The following AP2A2 variants were observed in gnomAD, a reference collection of about 807,000 sequenced individuals.
AP2A2 encodes the protein adaptor related protein complex 2 subunit alpha 2.
In AP2A2, 32 loss-of-function variants were observed where a neutral mutation model predicts 104.2. That is an observed-to-expected ratio of 0.31 (90% CI 0.23 to 0.41). The LOEUF (loss-of-function observed/expected upper bound fraction) is 0.41. AP2A2 is among the 10% of genes least tolerant of loss of function. The pLI is 1.00. For synonymous variants in AP2A2, 539 were observed against 533.3 expected (o/e 1.01, Z -0.15); for missense variants, 912 against 1,261.0 (o/e 0.72, Z 4.19).
intron 1 of AP2A2, chr11:932,543 A>G: frequency 9.0e-6 from 3 of 331,544 alleles, no homozygotes; most frequent in South Asian, 7.1e-5. Context: ...TTGACTGTAC[A>G]TTCCTAAAAA....
intron 1 of AP2A2, among the ~76,000 whole-genome samples, chr11:951,294 A>G (rs2134525450): frequency 6.6e-6 from 1 of 152,276 alleles, no homozygotes; most frequent in Non-Finnish European, 1.5e-5. Flanking sequence ...TGGGAGGCCG[A>G]GGTGGGTGGA....
In AP2A2 at chr11:926,052, C is replaced by T. The variant is rs1477886483; in HGVS notation, c.31C>T (p.Arg11Trp). 7 of 1,375,108 alleles carry T rather than the reference C, an allele frequency of 5.1e-6. No individual in the cohort carries two copies. Among genetic ancestry groups the T allele is most frequent in the South Asian group, 1.8e-5 (1 of 56,964 alleles). 85.2% of individuals were successfully genotyped at this position (1,375,108 alleles called of 1,614,324 possible). ...GGCCGTGTCCAAGGGGGACGGGATG[C>T]GGGGCCTGGCGGTCTTCATCTCGGA... MPAVSKGDGMRGLAVFISDIR... is the reference protein window; with the variant it reads MPAVSKGDGMWGLAVFISDIR... The change falls in exon 1 of 22, where the codon CGG becomes TGG. Residue 11 changes from arginine to tryptophan, a missense_variant. Physicochemically the swap from Arg to Trp is moderately radical, Grantham distance 101 (BLOSUM62 -3). Coordinates refer to ENST00000448903, the MANE Select transcript of AP2A2 (RefSeq NM_012305.4).
intron 4 of AP2A2, among the ~76,000 whole-genome samples, chr11:974,237 G>A (rs1854936865): frequency 4.0e-5 from 6 of 151,220 alleles, no homozygotes; most frequent in Admixed American, 3.9e-4. Flanking sequence ...GGGAGTGGGT[G>A]GCCCGTGTTC....
At position 993,956 on chromosome 11, in the gene AP2A2, C is replaced by G. The variant is rs1855753595; in HGVS notation, c.1753C>G (p.Leu585Val). ...LQQRAVEYLR[L>V]STVASTDILA... ...GCAGCGTGCTGTGGAGTACCTGCGG[C>G]TCAGCACCGTGGCCAGCACCGACAT... The change falls in exon 13 of 22, where the codon CTC becomes GTC. Residue 585 changes from leucine (L) to valine (V), a missense_variant. By Grantham distance (32) the Leu-to-Val change is conservative. This residue lies in a region of AP2A2 where 137 missense variants were observed against 186.9 expected (regional missense o/e 0.73). Coordinates refer to ENST00000448903, the MANE Select transcript of AP2A2 (RefSeq NM_012305.4). This position sits in a 1 kb window ranked among gnomAD's most constrained non-coding sequence, Gnocchi z 8.2. The G allele has an allele frequency of 6.2e-7, 1 of 1,612,244 alleles. No individual in the cohort carries two copies. The highest frequency in any genetic ancestry group is 8.5e-7 in the Non-Finnish European group (1 of 1,179,548).
At chr11:972,749 T>C (rs1314605840) in intron 4 of AP2A2, among the ~76,000 whole-genome samples, 1 of 152,230 alleles carries the variant, frequency 6.6e-6, no homozygotes, top group African/African-American at 2.4e-5. Context: ...TGCAATCTAA[T>C]ACCACTGAGA....
chr11:952,783 A>C (rs1854095601), intron 1 of AP2A2, among the ~76,000 whole-genome samples: 1 of 152,136 alleles, frequency 6.6e-6, no homozygotes, highest in African/African-American at 2.4e-5. Flanking sequence ...CCCTTTCAGA[A>C]TTCAGCTCCT....
Position 966,034 on chromosome 11 carries a change from C to T in AP2A2, c.137-4135C>T, listed in dbSNP as rs1036920499. ...TGTAAAACTTGTAGAGATGGGGTCT[C>T]GCTGTGTTTCCTAGGCTGATCACAA... On this transcript the variant is annotated intron_variant, in intron 2 of 21. Transcript: ENST00000448903. Among the ~76,000 whole-genome samples, 15 of 152,150 alleles carry T rather than the reference C, an allele frequency of 9.9e-5. No homozygotes were observed. In the East Asian group the frequency reaches 1.7e-3, roughly 18 times the overall value.
intron 14 of AP2A2, chr11:995,418 C>T (rs1386293058): frequency 4.4e-6 from 2 of 455,746 alleles, no homozygotes; most frequent in South Asian, 3.1e-5. Flanking sequence ...TCAGGGAGGG[C>T]TCCTGTCGGG....
chr11:1,008,206 C>T (rs1856275982), intron 18 of AP2A2, 71 bp downstream of exon 18: 3 of 1,500,400 alleles, frequency 2.0e-6, no homozygotes, highest in Non-Finnish European at 1.8e-6. Context: ...GGCTCCATGA[C>T]TGTGCCTCCG....
chr11:949,386 A>C (rs1037248569), intron 1 of AP2A2, among the ~76,000 whole-genome samples: 3 of 152,238 alleles, frequency 2.0e-5, no homozygotes, highest in African/African-American at 7.2e-5. Flanking sequence ...AGACAAAGAC[A>C]TGACAAGAAA....
rs897849103 is a variant in AP2A2 at position 1,009,008 on chromosome 11, C to T, written c.2421-92C>T. ...CCCGCTCTGGTGGGTGGCAGTAGAT[C>T]GGGACGCTTCTCACTCCAGGCTCTT... On this transcript the variant is annotated intron_variant, in intron 18 of 21. Coordinates refer to ENST00000448903, the MANE Select transcript of AP2A2 (RefSeq NM_012305.4). 101 of 1,052,428 alleles carry T rather than the reference C, an allele frequency of 9.6e-5. 1 individual carries two copies. The highest frequency in any genetic ancestry group is 9.0e-4 in the East Asian group (35 of 38,816). 65.2% of individuals were successfully genotyped at this position (1,052,428 alleles called of 1,614,324 possible).
chr11:936,807 T>C (rs1167893265), intron 1 of AP2A2, among the ~76,000 whole-genome samples: 1 of 152,118 alleles, frequency 6.6e-6, no homozygotes, highest in Non-Finnish European at 1.5e-5. Context: ...TTGGGAACAG[T>C]GTGATTCCTA....
Position 925,898 on chromosome 11 carries a change from C to T in AP2A2, c.-124C>T, listed in dbSNP as rs533676143. The T allele has an allele frequency of 5.8e-4, 388 of 666,018 alleles. No individual in the cohort carries two copies. The highest frequency in any genetic ancestry group is 7.8e-4 in the Non-Finnish European group (363 of 462,760). The allele number at this position is 666,018 out of a possible 1,614,324, so 41.3% of individuals were successfully genotyped here. On this transcript the variant is annotated 5_prime_UTR_variant, in exon 1 of 22. Coordinates refer to ENST00000448903, the MANE Select transcript of AP2A2 (RefSeq NM_012305.4). ...AAGCGGCGCTGGGACCCTGAGGCGG[C>T]CGTGGTTAGGCGGCTCCCCGGCGGC... is the stretch of plus-strand genomic sequence containing the variant.
intron 1 of AP2A2, among the ~76,000 whole-genome samples, chr11:929,837 G>A (rs569870670): frequency 1.3e-5 from 2 of 152,182 alleles, no homozygotes; most frequent in African/African-American, 4.8e-5. Context: ...AAGACCTGGT[G>A]CCAGCCGGGT....
intron 1 of AP2A2, among the ~76,000 whole-genome samples, chr11:939,887 A>T (rs1853585984): frequency 6.6e-6 from 1 of 151,478 alleles, no homozygotes. Flanking sequence ...CGAGAATAAC[A>T]GTTCAACTTT....
intron 1 of AP2A2, among the ~76,000 whole-genome samples, chr11:939,410 A>G (rs1039087463): frequency 6.6e-6 from 1 of 151,968 alleles, no homozygotes; most frequent in Admixed American, 6.6e-5. Context: ...GTGTGTTCCT[A>G]CTATTTATGG....
intron 9 of AP2A2, 143 bp downstream of exon 9, chr11:987,096 A>C: frequency 1.9e-6 from 2 of 1,030,770 alleles, no homozygotes; most frequent in South Asian, 1.6e-5. Context: ...CCTGTCACCT[A>C]CTCTTGGGAG....
chr11:991,160 C>T (rs1442461798), intron 10 of AP2A2, among the ~76,000 whole-genome samples: 2 of 151,996 alleles, frequency 1.3e-5, no homozygotes, highest in Non-Finnish European at 1.5e-5. Flanking sequence ...TCCTTTCAGC[C>T]GGGCATGGTG....
chr11:959,106 G>T (rs1854337372), intron 1 of AP2A2, among the ~76,000 whole-genome samples: 1 of 152,244 alleles, frequency 6.6e-6, no homozygotes, highest in South Asian at 2.1e-4. Context: ...CAAGATATTT[G>T]AGTTCTGAGC....
Sources: gnomAD v4.1 joint callset for allele counts (sites outside exome capture counted in the v4.1 genomes callset) on GRCh38, gnomAD v4.1.1 for gene constraint, gnomAD v4.1.1 regional missense constraint, Gnocchi (gnomAD v3.1) non-coding constraint, MANE v1.5 for transcripts, NCBI Gene and HGNC (gene_info 2026-07-23, HGNC 2026-07-21) for gene names.